CPEB3: variants seen among roughly 807,000 people sequenced by gnomAD.
CPEB3 encodes cytoplasmic polyadenylation element-binding protein 3.
A neutral mutation model predicts 67.2 loss-of-function variants in CPEB3; 20 were observed. The ratio of observed to expected loss-of-function variants is 0.30; its 90% CI spans 0.21 to 0.43. CPEB3 has a LOEUF of 0.43. Among genes scored for constraint, CPEB3 ranks in the 20% least tolerant of loss-of-function variants. The pLI, the probability that CPEB3 is intolerant of heterozygous loss-of-function variation, is 1.00. For missense variants in CPEB3, 746 were observed against 968.6 expected (o/e 0.77, Z 3.05); for synonymous variants, 376 against 393.1 (o/e 0.96, Z 0.51).
intron 4 of CPEB3, among the ~76,000 whole-genome samples, chr10:92,159,974 G>A (rs566819891): frequency 8.3e-5 from 12 of 144,666 alleles, no homozygotes; most frequent in Non-Finnish European, 1.8e-4. Flanking sequence ...ATGGAGTCTC[G>A]TTCACTCTGT....
intron 4 of CPEB3, among the ~76,000 whole-genome samples, chr10:92,158,791 CTTT>C (rs1382092051): frequency 5.9e-5 from 9 of 152,198 alleles, no homozygotes; most frequent in African/African-American, 1.7e-4. Flanking sequence ...TTTTCTTCCT[CTTT>C]AAAACTCCAG....
At chr10:92,226,084 G>A (rs933739318) in intron 2 of CPEB3, among the ~76,000 whole-genome samples, 13 of 152,132 alleles carry the variant, frequency 8.5e-5, no homozygotes, top group Non-Finnish European at 1.3e-4. Flanking sequence ...GCAACGGAGC[G>A]AGGCTCCATC....
chr10:92,255,266 A>G (rs2134830275), intron 1 of CPEB3, among the ~76,000 whole-genome samples: 1 of 152,174 alleles, frequency 6.6e-6, no homozygotes, highest in East Asian at 1.9e-4. Flanking sequence ...TCTCATTCCC[A>G]TTCCTGGCAG....
chr10:92,138,409 T>C lies in CPEB3; in HGVS notation c.1453+4620A>G, dbSNP rs1270544846. On this transcript the variant is annotated intron_variant, in intron 6 of 9. Coordinates refer to ENST00000265997, the MANE Select transcript of CPEB3 (RefSeq NM_014912.5). ...GCTACCTAGCCCCAGCCAGGATTCA[T>C]TCTTGGGAAACTGAGGAGCAGCAGG... is the stretch of plus-strand genomic sequence containing the variant. 5 of 168,012 alleles carry C rather than the reference T, an allele frequency of 3.0e-5. No individual in the cohort carries two copies. In the East Asian group the frequency reaches 6.0e-4, roughly 20 times the overall value. The allele number at this position is 168,012 out of a possible 1,614,324, so 10.4% of individuals were successfully genotyped here.
intron 4 of CPEB3, among the ~76,000 whole-genome samples, chr10:92,155,480 A>C (rs1281170759): frequency 1.3e-5 from 2 of 152,232 alleles, no homozygotes; most frequent in Non-Finnish European, 2.9e-5. Context: ...ATCTCAGAGA[A>C]TAAGTGTTCT....
At chr10:92,234,858 G>A (rs1851450378) in intron 2 of CPEB3, among the ~76,000 whole-genome samples, 2 of 152,158 alleles carry the variant, frequency 1.3e-5, no homozygotes, top group African/African-American at 4.8e-5. Flanking sequence ...CGGGGAGGCA[G>A]AGTTTGCAGT....
At chr10:92,116,671 G>C (rs968941143) in intron 6 of CPEB3, among the ~76,000 whole-genome samples, 6 of 152,192 alleles carry the variant, frequency 3.9e-5, no homozygotes, top group Non-Finnish European at 5.9e-5. Flanking sequence ...GGTAACCTGA[G>C]GAGTATGTGG....
chr10:92,094,787 T>C (rs977299109), intron 7 of CPEB3, among the ~76,000 whole-genome samples: 1 of 150,386 alleles, frequency 6.6e-6, no homozygotes, highest in Admixed American at 6.7e-5. Context: ...TTCCTGACAC[T>C]GTGAGAACAA....
Position 92,185,317 on chromosome 10 carries a change from T to C in CPEB3, c.1166-4298A>G, listed in dbSNP as rs139287847. 1.8e-3 allele frequency among the ~76,000 whole-genome samples: 275 copies of C among 152,322 alleles called. 1 individual carries two copies. The highest frequency in any genetic ancestry group is 6.4e-3 in the African/African-American group (267 of 41,574). On this transcript the variant is annotated intron_variant, in intron 3 of 9. Transcript: ENST00000265997. ...TAAGTTAAATGATGCTGTGGAAATC[T>C]GAGACTGTGTCCCACTTTCCCCACT...
chr10:92,088,783 T>G (rs1038043028), intron 8 of CPEB3, among the ~76,000 whole-genome samples: 4 of 152,200 alleles, frequency 2.6e-5, no homozygotes, highest in African/African-American at 9.6e-5. Flanking sequence ...GACACCCATA[T>G]CTAGTCCAGG....
At chr10:92,125,013 A>G (rs1845548334) in intron 6 of CPEB3, among the ~76,000 whole-genome samples, 1 of 152,238 alleles carries the variant, frequency 6.6e-6, no homozygotes. Context: ...CAGGTTCACA[A>G]ACCATGCTGG....
At chr10:92,195,625 C>T (rs72807254) in intron 2 of CPEB3, among the ~76,000 whole-genome samples, 17,833 of 152,172 alleles carry the variant, frequency 0.12, 1,298 homozygotes, top group Middle Eastern at 0.2. Context: ...ACACTTCTAA[C>T]TAGAACTCTG....
chr10:92,220,384 AGATT>A (rs1850634775), intron 2 of CPEB3, among the ~76,000 whole-genome samples: 1 of 152,158 alleles, frequency 6.6e-6, no homozygotes, highest in Non-Finnish European at 1.5e-5. Context: ...GAAATTACTT[AGATT>A]GTGTTTCTGC....
chr10:92,203,352 A>ATG (rs1849609519), intron 2 of CPEB3, among the ~76,000 whole-genome samples: 9 of 146,830 alleles, frequency 6.1e-5, no homozygotes, highest in East Asian at 2.0e-4. Context: ...ATATATATAT[A>ATG]TATGTATATA....
At chr10:92,069,995 C>G (rs1466129342) in intron 9 of CPEB3, among the ~76,000 whole-genome samples, 1 of 152,094 alleles carries the variant, frequency 6.6e-6, no homozygotes, top group African/African-American at 2.4e-5. Context: ...CCGAAACCCT[C>G]TGTAGATATA....
intron 2 of CPEB3, among the ~76,000 whole-genome samples, chr10:92,201,790 T>C (rs1849539047): frequency 6.6e-6 from 1 of 152,136 alleles, no homozygotes; most frequent in Admixed American, 6.6e-5. Flanking sequence ...CTAATATTAT[T>C]TTCTTCTTCC....
chr10:92,110,779 G>C (rs1386671477), intron 7 of CPEB3, among the ~76,000 whole-genome samples: 1 of 152,140 alleles, frequency 6.6e-6, no homozygotes, highest in African/African-American at 2.4e-5. Flanking sequence ...TGCCAAAACC[G>C]CTAAGAGCAT....
intron 4 of CPEB3, among the ~76,000 whole-genome samples, chr10:92,155,582 T>C (rs775690618): frequency 2.6e-5 from 4 of 152,236 alleles, no homozygotes; most frequent in Non-Finnish European, 5.9e-5. Flanking sequence ...AATGAAAGAC[T>C]TATTGAAAGC....
At position 92,080,556 on chromosome 10, in the gene CPEB3, A is replaced by G. The variant is rs1369907633; in HGVS notation, c.1869+764T>C. Among the ~76,000 whole-genome samples the G allele has an allele frequency of 2.6e-5, 4 of 151,906 alleles. No homozygotes were observed. The East Asian group carries it at 5.8e-4, about 22-fold the overall frequency. ...GAGGAGACTGAAGGGAAAAGCAGCT[A>G]TTTGACTCCAATGATTGCCACAATG... On this transcript the variant is annotated intron_variant, in intron 9 of 9. Coordinates refer to ENST00000265997, the MANE Select transcript of CPEB3 (RefSeq NM_014912.5).
Sources: gnomAD v4.1 joint callset for allele counts (sites outside exome capture counted in the v4.1 genomes callset) on GRCh38, gnomAD v4.1.1 for gene constraint, MANE v1.5 for transcripts, NCBI Gene and HGNC (gene_info 2026-07-23, HGNC 2026-07-21) for gene names.